The following PVALB variants were observed in gnomAD, a reference collection of about 807,000 sequenced individuals.
The protein encoded by PVALB is parvalbumin alpha.
In PVALB, 11 loss-of-function variants were observed where a neutral mutation model predicts 10.9. That is an observed-to-expected ratio of 1.01 (90% CI 0.63 to 1.67). PVALB has a LOEUF of 1.67. PVALB is among the 40% of genes most tolerant of loss of function. PVALB has a pLI of 0.00. For missense variants in PVALB, 131 were observed against 136.2 expected (o/e 0.96, Z 0.19); for synonymous variants, 57 against 50.7 (o/e 1.12, Z -0.53).
chr22:36,803,413 G>C (rs962792931), intron 3 of PVALB, among the ~76,000 whole-genome samples: 3 of 152,146 alleles, frequency 2.0e-5, no homozygotes, highest in African/African-American at 7.2e-5. Context: ...AAACTCTAGA[G>C]GGCAGGGGAG....
chr22:36,810,151 G>T (rs1939023711), intron 3 of PVALB, among the ~76,000 whole-genome samples: 1 of 152,182 alleles, frequency 6.6e-6, no homozygotes. Context: ...CCAAAGTGCT[G>T]GGATTACAGG....
chr22:36,818,525 G>A (rs150044652), upstream of PVALB: 196 of 152,836 alleles, frequency 1.3e-3, 2 homozygotes, highest in Middle Eastern at 3.4e-3. Context: ...CTGACCTGAT[G>A]CCTCTCAGCT....
chr22:36,807,171 T>C (rs1938962646), intron 3 of PVALB, among the ~76,000 whole-genome samples: 1 of 152,156 alleles, frequency 6.6e-6, no homozygotes, highest in Non-Finnish European at 1.5e-5. Context: ...CAGCTCAGCT[T>C]AGGGGAGGGA....
Position 36,816,926 on chromosome 22 carries a change from G to A in PVALB, c.61+19C>T, listed in dbSNP as rs1939148970. On this transcript the variant is annotated intron_variant, in intron 1 of 3. Transcript: ENST00000417718. The stretch of plus-strand genomic sequence containing the variant: ...GTGGACGAGGGGAGAGGGATGGGGA[G>A]GGGAGCGCGCTTGCTCACCGCTAAA... 2 of 1,593,998 alleles carry A rather than the reference G, an allele frequency of 1.3e-6. No individual in the cohort carries two copies. The highest frequency in any genetic ancestry group is 1.7e-6 in the Non-Finnish European group (2 of 1,172,776).
intron 3 of PVALB, among the ~76,000 whole-genome samples, chr22:36,808,633 C>G (rs1012029326): frequency 2.6e-5 from 4 of 152,210 alleles, no homozygotes; most frequent in African/African-American, 9.7e-5. Flanking sequence ...TGGGCTCCAC[C>G]TAAGGAATCA....
Position 36,815,253 on chromosome 22 carries a change from G to T in PVALB, c.62-18C>A. On this transcript the variant is annotated intron_variant, in intron 1 of 3. Transcript: ENST00000417718. ...GTCGGTAGCTGTGGGGGGAAGAGCA[G>T]GGTCAAACAAGGACCAGAAAGGCTG... 1 of 1,614,066 alleles carries T rather than the reference G, an allele frequency of 6.2e-7. No individual in the cohort carries two copies. Among genetic ancestry groups the T allele is most frequent in the Non-Finnish European group, 8.5e-7 (1 of 1,179,934 alleles).
upstream of PVALB, chr22:36,817,142 C>G (rs1236500443): frequency 4.1e-6 from 3 of 732,942 alleles, no homozygotes; most frequent in Non-Finnish European, 6.1e-6. Flanking sequence ...GCGCCAGGGG[C>G]CCGGACTCTG....
chr22:36,810,333 T>G (rs531978651), intron 3 of PVALB, among the ~76,000 whole-genome samples: 33 of 152,200 alleles, frequency 2.2e-4, no homozygotes, highest in Non-Finnish European at 3.7e-4. Flanking sequence ...GCAGAGTATC[T>G]GAAACAGAAC....
At chr22:36,810,483 C>A (rs1241770331) in intron 3 of PVALB, among the ~76,000 whole-genome samples, 3 of 152,190 alleles carry the variant, frequency 2.0e-5, no homozygotes, top group Non-Finnish European at 2.9e-5. Flanking sequence ...AAGTGTGGGG[C>A]CCCAGTGCCT....
At position 36,800,731 on chromosome 22, in the gene PVALB, A is replaced by T; in HGVS notation, c.*159T>A. 2.5e-6 allele frequency: 2 copies of T among 812,442 alleles called. No homozygotes were observed. The highest frequency in any genetic ancestry group is 4.2e-6 in the Non-Finnish European group (2 of 481,628). 50.3% of individuals were successfully genotyped at this position (812,442 alleles called of 1,614,324 possible). On this transcript the variant is annotated 3_prime_UTR_variant, in exon 4 of 4. Coordinates refer to ENST00000417718, the MANE Select transcript of PVALB (RefSeq NM_001315532.2). ...CTGGTACAACCTTTATTGCTTCTCC[A>T]GCATTTTCCAGAAGAATGGTGTCAT...
At chr22:36,802,012 C>A (rs1032788344) in intron 3 of PVALB, among the ~76,000 whole-genome samples, 1 of 151,948 alleles carries the variant, frequency 6.6e-6, no homozygotes, top group Non-Finnish European at 1.5e-5. Flanking sequence ...AAAAACTGGT[C>A]GTGAAATGGC....
upstream of PVALB, chr22:36,818,453 T>G (rs1939185063): frequency 6.5e-6 from 1 of 152,774 alleles, no homozygotes; most frequent in African/African-American, 2.4e-5. Context: ...CCCCTCCCTG[T>G]GAGTCAGCTC....
Position 36,815,018 on chromosome 22 carries a change from G to T in PVALB, c.194+85C>A. 12 of 1,542,660 alleles carry T rather than the reference G, an allele frequency of 7.8e-6. No individual in the cohort carries two copies. The South Asian group carries it at 1.4e-4, about 18-fold the overall frequency. ...AGCAGGCAGAGTGAAAGGCAGGTCT[G>T]ATGGACACTTGGAAGCTAGAGTCCC... On this transcript the variant is annotated intron_variant, in intron 2 of 3. Transcript: ENST00000417718.
Position 36,815,113 on chromosome 22 carries a change from C to T in PVALB, c.184G>A (p.Asp62Asn), listed in dbSNP as rs777491095. The T allele has an allele frequency of 6.2e-7, 1 of 1,614,178 alleles. No individual in the cohort carries two copies. Among genetic ancestry groups the T allele is most frequent in the Non-Finnish European group, 8.5e-7 (1 of 1,180,006 alleles). ...CAGGCCTCCGCTTACCCCAGCTCAT[C>T]CTCCTCGATGAAGCCACTTTTGTCC... ...DKDKSGFIEE[D>N]ELGFILKGFS... is the part of the protein sequence containing the mutation. Residue 62 changes from aspartate to asparagine, a missense_variant, in exon 2 of 4, where the codon GAT becomes AAT. Asp to Asn is a conservative substitution (Grantham distance 23, BLOSUM62 1). Transcript: ENST00000417718.
At chr22:36,811,665 C>G (rs1256310111) in intron 3 of PVALB, 1 of 401,756 alleles carries the variant, frequency 2.5e-6, no homozygotes, top group Non-Finnish European at 5.0e-6. Context: ...AAGACCCAGC[C>G]CAGGGCTTCT....
chr22:36,805,282 C>T (rs1324471575), intron 3 of PVALB, among the ~76,000 whole-genome samples: 3 of 152,114 alleles, frequency 2.0e-5, no homozygotes, highest in Non-Finnish European at 2.9e-5. Context: ...CATGATAGTG[C>T]CCACTTCCTT....
chr22:36,813,533 G>C, intron 3 of PVALB, 113 bp downstream of exon 3: 2 of 819,306 alleles, frequency 2.4e-6, no homozygotes, highest in Middle Eastern at 2.3e-4. Flanking sequence ...TAATCTGGGG[G>C]AGTGAGGGAC....
In PVALB at chr22:36,813,715, A is replaced by G; in HGVS notation, c.235T>C (p.Ser79Pro). The G allele has an allele frequency of 6.2e-7, 1 of 1,614,104 alleles. No individual in the cohort carries two copies. The highest frequency in any genetic ancestry group is 8.5e-7 in the Non-Finnish European group (1 of 1,179,988). Residue 79 changes from serine to proline, a missense_variant, in exon 3 of 4, where the codon TCT (serine) becomes CCT (proline). By Grantham distance (74) the Ser-to-Pro change is moderately conservative. Coordinates refer to ENST00000417718, the MANE Select transcript of PVALB (RefSeq NM_001315532.2). The part of the protein sequence containing the change: ...KGFSPDARDL[S>P]AKETKMLMAA... ...ATCAGCATCTTGGTTTCTTTAGCAGACAGGTCTCTGGCATCTGGGGAGAAG... is the reference window on the plus strand; with the variant it reads ...ATCAGCATCTTGGTTTCTTTAGCAGGCAGGTCTCTGGCATCTGGGGAGAAG...
At chr22:36,816,876 C>A in intron 1 of PVALB, 69 bp downstream of exon 1, 2 of 1,369,418 alleles carry the variant, frequency 1.5e-6, no homozygotes, top group African/African-American at 1.5e-5. Flanking sequence ...GGCTGCGGGG[C>A]CGGCGGAGTG....
Sources: allele counts gnomAD v4.1 joint callset (sites outside exome capture counted in the v4.1 genomes callset), GRCh38; gene constraint gnomAD v4.1.1; transcripts MANE v1.5; gene names NCBI Gene and HGNC (gene_info 2026-07-23, HGNC 2026-07-21).